Variants in GRID2 observed in about 807,000 individuals in gnomAD.
GRID2 encodes glutamate ionotropic receptor delta type subunit 2.
GRID2 carries 33 observed loss-of-function variants against 114.8 expected under a neutral mutation model. That is an observed-to-expected ratio of 0.29 (90% CI 0.22 to 0.38). The LOEUF is 0.38. GRID2 is among the 10% of genes least tolerant of loss of function. The pLI is 1.00. For synonymous variants in GRID2, 505 were observed against 449.9 expected (o/e 1.12, Z -1.55); for missense variants, 1,184 against 1,257.7 (o/e 0.94, Z 0.89).
chr4:92,941,618 A>G (rs946774809), intron 2 of GRID2, among the ~76,000 whole-genome samples: 1 of 151,962 alleles, frequency 6.6e-6, no homozygotes, highest in African/African-American at 2.4e-5. Context: ...TAGCTTTTGA[A>G]TGTGTTTGCT....
intron 2 of GRID2, among the ~76,000 whole-genome samples, chr4:92,999,069 AG>A (rs2149214515): frequency 6.6e-6 from 1 of 151,948 alleles, no homozygotes; most frequent in South Asian, 2.1e-4. Context: ...TCAAAATTTA[AG>A]TGTGTTTTTA....
At chr4:92,707,569 C>A (rs1211680049) in intron 2 of GRID2, among the ~76,000 whole-genome samples, 1 of 152,028 alleles carries the variant, frequency 6.6e-6, no homozygotes. Context: ...AATGCTAATG[C>A]AATGTTAACG....
In GRID2 at chr4:93,317,057, A is replaced by G. The variant is rs116497988; in HGVS notation, c.1246-78550A>G. On this transcript the variant is annotated intron_variant, in intron 8 of 15. Coordinates refer to ENST00000282020, the MANE Select transcript of GRID2 (RefSeq NM_001510.4). ...TTTTTTATAGGTTAAGCATTGCAGG[A>G]TCATTTTTGAGATTCTAATTTTTGA... Among the ~76,000 whole-genome samples, 397 of 152,172 alleles carry G rather than the reference A, an allele frequency of 2.6e-3. 2 individuals are homozygous for G. Among genetic ancestry groups the G allele is most frequent in the African/African-American group, 8.7e-3 (361 of 41,546 alleles).
intron 2 of GRID2, among the ~76,000 whole-genome samples, chr4:93,058,943 C>G (rs1458025341): frequency 1.3e-5 from 2 of 151,970 alleles, no homozygotes; most frequent in Non-Finnish European, 2.9e-5. Context: ...AATACTTCAG[C>G]AAAACAGGTG....
chr4:92,586,355 TACACACACACACAC>T (rs200184543), intron 1 of GRID2, among the ~76,000 whole-genome samples: 20,745 of 145,924 alleles, frequency 0.14, 1,551 homozygotes, highest in African/African-American at 0.21. Context: ...ACAAAAAATC[TACACACACACACAC>T]ACACACACAC....
intron 2 of GRID2, among the ~76,000 whole-genome samples, chr4:92,714,967 C>T (rs1735463497): frequency 6.6e-6 from 1 of 152,244 alleles, no homozygotes. Context: ...ATGCACACTT[C>T]TGCAGCCAAC....
intron 1 of GRID2, among the ~76,000 whole-genome samples, chr4:92,574,413 ATTTT>A (rs58296126): frequency 0.034 from 3,795 of 112,392 alleles, 138 homozygotes; most frequent in African/African-American, 0.11. Context: ...GTACTTTAGT[ATTTT>A]TTTTTTTTTT....
chr4:93,094,783 A>T (rs534121498), intron 3 of GRID2, among the ~76,000 whole-genome samples: 1 of 152,174 alleles, frequency 6.6e-6, no homozygotes, highest in Non-Finnish European at 1.5e-5. Flanking sequence ...ATGGGAAAAC[A>T]AAGATAAATG....
chr4:93,131,633 AT>A (rs1734814193), intron 4 of GRID2, among the ~76,000 whole-genome samples: 2 of 151,728 alleles, frequency 1.3e-5, no homozygotes, highest in Non-Finnish European at 2.9e-5. Context: ...TTTATTTTTA[AT>A]TTTTATAGAT....
chr4:92,377,562 T>C (rs1256019334), intron 1 of GRID2, among the ~76,000 whole-genome samples: 1 of 152,172 alleles, frequency 6.6e-6, no homozygotes, highest in Non-Finnish European at 1.5e-5. Flanking sequence ...TTCAGCAGCA[T>C]CCCACTCTAC....
intron 14 of GRID2, among the ~76,000 whole-genome samples, chr4:93,702,624 G>T (rs550070453): frequency 6.6e-6 from 1 of 152,198 alleles, no homozygotes; most frequent in African/African-American, 2.4e-5. Flanking sequence ...CGGAATTTAT[G>T]GCACACCTTC....
intron 2 of GRID2, among the ~76,000 whole-genome samples, chr4:92,662,076 G>A (rs17019742): frequency 0.013 from 2,012 of 151,012 alleles, 51 homozygotes; most frequent in African/African-American, 0.045. Flanking sequence ...ATTCTGCCAC[G>A]TAAATCTCAA....
At chr4:93,217,090 G>T (rs377341720) in intron 6 of GRID2, 179 bp downstream of exon 6, 6 of 435,966 alleles carry the variant, frequency 1.4e-5, no homozygotes, top group African/African-American at 4.0e-5. Context: ...TGTTCTTTTT[G>T]ATCTCATTAT....
intron 2 of GRID2, among the ~76,000 whole-genome samples, chr4:92,835,345 A>G (rs1228662395): frequency 6.6e-6 from 1 of 152,184 alleles, no homozygotes; most frequent in Admixed American, 6.6e-5. Flanking sequence ...AAGACATTGA[A>G]TAATAAAGTC....
rs752615321 is a variant in GRID2, at chr4:93,216,814, C to T, written c.866C>T (p.Pro289Leu). 6.8e-6 allele frequency: 11 copies of T among 1,612,306 alleles called. No individual in the cohort carries two copies. The South Asian group carries it at 1.2e-4, about 18-fold the overall frequency. The change falls in exon 6 of 16, where the codon CCA becomes CTA. Residue 289 changes from proline (P) to leucine (L), a missense_variant. Physicochemically the swap from Pro to Leu is moderately conservative, Grantham distance 98. Transcript: ENST00000282020. ...GRLTIIRQTF[P>L]VPQNISQRCF... ...TTAACGATTATTCGGCAGACATTTCCAGTTCCCCAGAACATAAGTCAGCGG... is the reference window on the plus strand; with the variant it reads ...TTAACGATTATTCGGCAGACATTTCTAGTTCCCCAGAACATAAGTCAGCGG...
At chr4:93,634,894 G>A (rs867485490) in intron 14 of GRID2, among the ~76,000 whole-genome samples, 9 of 151,898 alleles carry the variant, frequency 5.9e-5, no homozygotes, top group South Asian at 2.1e-4. Flanking sequence ...GATTTAAATG[G>A]CAACAAACAG....
At chr4:92,772,873 A>G (rs897649535) in intron 2 of GRID2, among the ~76,000 whole-genome samples, 2 of 152,134 alleles carry the variant, frequency 1.3e-5, no homozygotes, top group African/African-American at 4.8e-5. Context: ...TTCTTACCTC[A>G]CTGAAAGGTG....
chr4:92,494,193 A>T (rs1476907242), intron 1 of GRID2, among the ~76,000 whole-genome samples: 1 of 152,054 alleles, frequency 6.6e-6, no homozygotes, highest in Non-Finnish European at 1.5e-5. Context: ...TGATGTGAAC[A>T]TATATTTGTG....
intron 14 of GRID2, among the ~76,000 whole-genome samples, chr4:93,757,949 T>G (rs1428345075): frequency 6.6e-6 from 1 of 152,008 alleles, no homozygotes; most frequent in Non-Finnish European, 1.5e-5. Flanking sequence ...AGGGCGAGAC[T>G]CCGTCTCAAA....
Sources: allele counts gnomAD v4.1 joint callset (sites outside exome capture counted in the v4.1 genomes callset), GRCh38; gene constraint gnomAD v4.1.1; transcripts MANE v1.5; gene names NCBI Gene and HGNC (gene_info 2026-07-23, HGNC 2026-07-21).